Variants in CACNA1C observed in about 807,000 individuals in gnomAD.
The protein encoded by CACNA1C is voltage-dependent L-type calcium channel subunit alpha-1C.
Under a neutral mutation model 229.0 loss-of-function variants are expected in CACNA1C, and 30 were observed. The ratio of observed to expected loss-of-function variants is 0.13; its 90% confidence interval spans 0.10 to 0.18. The LOEUF (loss-of-function observed/expected upper bound fraction) is 0.18, where lower values mean the gene tolerates loss of function less well. Ranked by LOEUF, CACNA1C falls within the 10% of genes least tolerant of loss-of-function variation. The probability of loss-of-function intolerance (pLI) is 1.00; values close to 1 mark genes in which losing one functional copy is unlikely to be tolerated. For synonymous variants in CACNA1C, 1,114 were observed against 1,132.5 expected (o/e 0.98, Z 0.33); for missense variants, 1,658 against 2,845.0 (o/e 0.58, Z 9.49).
At chr12:2,077,653 G>A (rs1595204106) in intron 1 of CACNA1C, among the ~76,000 whole-genome samples, 1 of 152,318 alleles carries the variant, frequency 6.6e-6, no homozygotes, top group South Asian at 2.1e-4. Context: ...ATAGGGTTTG[G>A]GGCTGAGGAG....
rs372155774 is a variant in CACNA1C, at chr12:2,264,416, A to G, written c.477+143986A>G. Among the ~76,000 whole-genome samples, 8 of 152,350 alleles carry G rather than the reference A, an allele frequency of 5.3e-5. No homozygotes were observed. The South Asian group carries it at 1.4e-3, about 28-fold the overall frequency. On this transcript the variant is annotated intron_variant, in intron 3 of 46. Coordinates refer to ENST00000399655, the MANE Select transcript of CACNA1C (RefSeq NM_000719.7). ...ATGTCTGCACTGACAAGAACTGCAG[A>G]AAGCATCCCGTTCAACTCCCTCCTC...
In CACNA1C at chr12:2,653,955, TC is replaced by T; in HGVS notation, c.4140+58del. The T allele has an allele frequency of 7.1e-7, 1 of 1,414,890 alleles. No homozygotes were observed. Among genetic ancestry groups the T allele is most frequent in the Non-Finnish European group, 1.0e-6 (1 of 1,001,380 alleles). The allele number at this position is 1,414,890 out of a possible 1,614,324, so 87.6% of individuals were successfully genotyped here. On this transcript the variant is annotated intron_variant, in intron 33 of 46. Coordinates refer to ENST00000399655, the MANE Select transcript of CACNA1C (RefSeq NM_000719.7). The surrounding 1 kb of genome is among the most constrained non-coding windows in gnomAD (Gnocchi z 4.7). ...GCCTCCCGCTCTGTCTCTCCCCAGT[TC>T]CCAGCACCACATTCCCTAACGCCTT...
intron 3 of CACNA1C, among the ~76,000 whole-genome samples, chr12:2,227,400 C>T (rs767805437): frequency 6.6e-6 from 1 of 152,328 alleles, no homozygotes; most frequent in East Asian, 1.9e-4. Context: ...TCTATACCAC[C>T]TTTGACTGAC....
At chr12:2,289,170 T>C (rs985926598) in intron 3 of CACNA1C, among the ~76,000 whole-genome samples, 3 of 152,002 alleles carry the variant, frequency 2.0e-5, no homozygotes, top group African/African-American at 4.8e-5. Context: ...TCTCCTGCAG[T>C]GTCAGGGGGT....
rs1443799490 is a variant in CACNA1C, at chr12:2,678,112, GA to G, written c.5091+247del. Among the ~76,000 whole-genome samples, 1 of 152,190 alleles carries G rather than the reference GA, an allele frequency of 6.6e-6. No individual in the cohort carries two copies. Among genetic ancestry groups the G allele is most frequent in the East Asian group, 1.9e-4 (1 of 5,194 alleles). On this transcript the variant is annotated intron_variant, in intron 41 of 46. Transcript: ENST00000399655. The surrounding 1 kb of genome is among the most constrained non-coding windows in gnomAD (Gnocchi z 4.1). ...CACTGGCTCTCAGAGAAGCGGGAAG[GA>G]ACCGCCTTCCTAAGGGAAATGTTTC...
chr12:2,140,847 A>G (rs1222213306), intron 3 of CACNA1C, among the ~76,000 whole-genome samples: 9 of 151,584 alleles, frequency 5.9e-5, no homozygotes, highest in Non-Finnish European at 1.3e-4. Context: ...TTACGTTCTT[A>G]TGATGCCAGC....
intron 1 of CACNA1C, among the ~76,000 whole-genome samples, chr12:2,055,002 A>C (rs780597445): frequency 1.3e-5 from 2 of 152,164 alleles, no homozygotes; most frequent in Non-Finnish European, 2.9e-5. Flanking sequence ...GTCTCCATCT[A>C]TCCTGAAACC....
chr12:2,641,532 C>T, intron 30 of CACNA1C: 1 of 595,184 alleles, frequency 1.7e-6, no homozygotes, highest in Non-Finnish European at 3.0e-6. Context: ...TTGCTGGAGC[C>T]TCCTGTTGCC....
At chr12:2,168,796 G>C (rs2096356095) in intron 3 of CACNA1C, among the ~76,000 whole-genome samples, 1 of 152,188 alleles carries the variant, frequency 6.6e-6, no homozygotes, top group Non-Finnish European at 1.5e-5. Flanking sequence ...AGGGTGAGAA[G>C]CTATTCTATG....
rs1241348299 is a variant in CACNA1C at position 2,410,032 on chromosome 12, C to T, written c.478-38944C>T. ...ACGCAAACAGAGGAGAATTTTCGCTCGGGGTGGGAATGAATCATCCTCACC... is the reference window on the plus strand; with the variant it reads ...ACGCAAACAGAGGAGAATTTTCGCTTGGGGTGGGAATGAATCATCCTCACC... On this transcript the variant is annotated intron_variant, in intron 3 of 46. Transcript: ENST00000399655. The surrounding 1 kb of genome is among the most constrained non-coding windows in gnomAD (Gnocchi z 5.3). Among the ~76,000 whole-genome samples the T allele has an allele frequency of 2.6e-5, 4 of 152,270 alleles. No homozygotes were observed. Among genetic ancestry groups the T allele is most frequent in the East Asian group, 1.9e-4 (1 of 5,174 alleles).
intron 3 of CACNA1C, among the ~76,000 whole-genome samples, chr12:2,272,135 T>C (rs1312918625): frequency 6.6e-6 from 1 of 152,174 alleles, no homozygotes; most frequent in Non-Finnish European, 1.5e-5. Flanking sequence ...GAGTTGCTTG[T>C]CTGGAGATGC....
At chr12:2,136,729 C>T (rs1396022534) in intron 3 of CACNA1C, among the ~76,000 whole-genome samples, 1 of 151,072 alleles carries the variant, frequency 6.6e-6, no homozygotes, top group Non-Finnish European at 1.5e-5. Flanking sequence ...AAAGGGGAGG[C>T]CTTTTCATCT....
At chr12:2,382,640 T>G (rs1276634515) in intron 3 of CACNA1C, among the ~76,000 whole-genome samples, 1 of 152,110 alleles carries the variant, frequency 6.6e-6, no homozygotes, top group Non-Finnish European at 1.5e-5. Context: ...AAAGGAGAGA[T>G]GTAGGAGCCA....
intron 3 of CACNA1C, among the ~76,000 whole-genome samples, chr12:2,188,074 A>G (rs1167468858): frequency 6.6e-6 from 1 of 152,188 alleles, no homozygotes; most frequent in African/African-American, 2.4e-5. Flanking sequence ...AATTAAAAAC[A>G]CCAAAAAGGA....
intron 3 of CACNA1C, among the ~76,000 whole-genome samples, chr12:2,302,984 G>A (rs2094694334): frequency 6.6e-6 from 1 of 152,214 alleles, no homozygotes; most frequent in Non-Finnish European, 1.5e-5. Flanking sequence ...TAAATGCAGA[G>A]CCTGCATCAC....
Position 2,067,048 on chromosome 12 carries a change from AG to A in CACNA1C, c.49+13441del, listed in dbSNP as rs1394608256. 1.3e-5 allele frequency among the ~76,000 whole-genome samples: 2 copies of A among 152,156 alleles called. No homozygotes were observed. Among genetic ancestry groups the A allele is most frequent in the Admixed American group, 1.3e-4 (2 of 15,280 alleles). On this transcript the variant is annotated intron_variant, in intron 1 of 46. Coordinates refer to ENST00000399655, the MANE Select transcript of CACNA1C (RefSeq NM_000719.7). This position sits in a 1 kb window ranked among gnomAD's most constrained non-coding sequence, Gnocchi z 5.3. Reference sequence around the variant, plus strand: ...CGGCCGAGGTCTGGAAGCATGAGTTAGGGGCCAGGAGTGATTGGCATTCCTA... The same window carrying A: ...CGGCCGAGGTCTGGAAGCATGAGTTAGGGCCAGGAGTGATTGGCATTCCTA...
chr12:2,593,096 G>T, intron 18 of CACNA1C, 117 bp from the exon 19 acceptor site: 2 of 1,154,412 alleles, frequency 1.7e-6, no homozygotes, highest in Non-Finnish European at 2.4e-6. Flanking sequence ...TGTCTGTCTT[G>T]GTTGGTACCC....
At chr12:2,240,826 C>A (rs1179218352) in intron 3 of CACNA1C, among the ~76,000 whole-genome samples, 1 of 152,072 alleles carries the variant, frequency 6.6e-6, no homozygotes, top group African/African-American at 2.4e-5. Context: ...TCTGGCAGCC[C>A]AGAGCTCCCC....
chr12:2,098,141 G>A (rs1446599373), intron 1 of CACNA1C, among the ~76,000 whole-genome samples: 1 of 152,174 alleles, frequency 6.6e-6, no homozygotes, highest in African/African-American at 2.4e-5. Flanking sequence ...CCGAACTTGG[G>A]GAGGAGTCAA....
Sources: gnomAD v4.1 joint callset for allele counts (sites outside exome capture counted in the v4.1 genomes callset) on GRCh38, gnomAD v4.1.1 for gene constraint, Gnocchi (gnomAD v3.1) non-coding constraint, MANE v1.5 for transcripts, NCBI Gene and HGNC (gene_info 2026-07-23, HGNC 2026-07-21) for gene names.